The following PLA2G2C variants were observed in gnomAD, a reference collection of about 807,000 sequenced individuals.
PLA2G2C encodes the protein putative inactive group IIC secretory phospholipase A2.
In PLA2G2C, 15 loss-of-function variants were observed where a neutral mutation model predicts 14.3. The ratio of observed to expected loss-of-function variants is 1.05; its 90% CI spans 0.70 to 1.62. The LOEUF (loss-of-function observed/expected upper bound fraction) is 1.62. Among genes scored for constraint, PLA2G2C ranks in the 40% most tolerant of loss-of-function variants. PLA2G2C has a pLI of 0.00. For synonymous variants in PLA2G2C, 79 were observed against 67.7 expected (o/e 1.17, Z -0.82); for missense variants, 162 against 173.2 (o/e 0.94, Z 0.36).
intron 4 of PLA2G2C, among the ~76,000 whole-genome samples, chr1:20,170,929 C>A (rs2018063418): frequency 7.1e-6 from 1 of 141,824 alleles, no homozygotes; most frequent in South Asian, 2.6e-4. Flanking sequence ...CTGCCTGGGG[C>A]TCCAGCCTCT....
At chr1:20,182,191 T>C (rs2018287733) in intron 1 of PLA2G2C, among the ~76,000 whole-genome samples, 1 of 152,274 alleles carries the variant, frequency 6.6e-6, no homozygotes, top group South Asian at 2.1e-4. Flanking sequence ...GGTACAGTCA[T>C]GCACCATATA....
intron 1 of PLA2G2C, among the ~76,000 whole-genome samples, chr1:20,183,461 T>C (rs917772311): frequency 1.3e-5 from 2 of 152,222 alleles, no homozygotes; most frequent in Middle Eastern, 3.4e-3. Context: ...GGTTGTAAAA[T>C]TGCTCTGCTG....
chr1:20,184,797 G>A (rs1282693175), intron 1 of PLA2G2C, among the ~76,000 whole-genome samples: 1 of 152,052 alleles, frequency 6.6e-6, no homozygotes, highest in African/African-American at 2.4e-5. Context: ...AGGAGGGAGG[G>A]AGGTGGGAGA....
intron 4 of PLA2G2C, among the ~76,000 whole-genome samples, chr1:20,169,183 T>C (rs982433080): frequency 2.6e-5 from 4 of 152,236 alleles, no homozygotes; most frequent in Admixed American, 2.0e-4. Context: ...TTTCTGTTGT[T>C]GCTTTTCTTT....
chr1:20,183,410 A>G (rs979350217), intron 1 of PLA2G2C, among the ~76,000 whole-genome samples: 7 of 152,062 alleles, frequency 4.6e-5, no homozygotes, highest in African/African-American at 1.4e-4. Context: ...TGGGGGTGGG[A>G]CTCTGGGGTC....
intron 4 of PLA2G2C, among the ~76,000 whole-genome samples, chr1:20,172,055 G>T (rs1337529139): frequency 6.6e-6 from 1 of 151,934 alleles, no homozygotes; most frequent in African/African-American, 2.4e-5. Context: ...GAGCCACCGC[G>T]CCCGGCCAAG....
At chr1:20,168,392 A>G (rs1314124120) in intron 4 of PLA2G2C, among the ~76,000 whole-genome samples, 1 of 152,228 alleles carries the variant, frequency 6.6e-6, no homozygotes, top group Non-Finnish European at 1.5e-5. Context: ...CAGGGGCATC[A>G]TTCCCTGTGG....
intron 1 of PLA2G2C, among the ~76,000 whole-genome samples, chr1:20,185,743 G>A (rs1371190153): frequency 6.6e-6 from 1 of 152,182 alleles, no homozygotes; most frequent in African/African-American, 2.4e-5. Flanking sequence ...GGGACACTGA[G>A]AGGGTCAGGG....
In PLA2G2C at chr1:20,163,901, C is replaced by T; in HGVS notation, c.*90G>A. ...TTTGTCCTCCCTCCCAGTGGAAGAA[C>T]AGGGGCCTGTTGGGGATGATCTGAG... On this transcript the variant is annotated 3_prime_UTR_variant, in exon 5 of 5. Coordinates refer to ENST00000679259, the MANE Select transcript of PLA2G2C (RefSeq NM_001367969.2). The T allele has an allele frequency of 1.4e-6, 2 of 1,389,314 alleles. No homozygotes were observed. The highest frequency in any genetic ancestry group is 1.9e-6 in the Non-Finnish European group (2 of 1,034,112). The allele number at this position is 1,389,314 out of a possible 1,614,324, so 86.1% of individuals were successfully genotyped here.
intron 4 of PLA2G2C, among the ~76,000 whole-genome samples, chr1:20,166,376 C>T (rs2017979950): frequency 6.6e-6 from 1 of 152,210 alleles, no homozygotes; most frequent in African/African-American, 2.4e-5. Context: ...GCGGCTCCCG[C>T]CACTCCCACT....
chr1:20,181,705 C>T (rs553669601), intron 1 of PLA2G2C, among the ~76,000 whole-genome samples: 1 of 152,300 alleles, frequency 6.6e-6, no homozygotes, highest in East Asian at 1.9e-4. Flanking sequence ...AGAGCAGCTT[C>T]TCTTAATAGG....
intron 1 of PLA2G2C, chr1:20,184,211 AC>A (rs1466891162): frequency 6.6e-6 from 1 of 152,352 alleles, no homozygotes; most frequent in African/African-American, 2.4e-5. Context: ...ACACACACAC[AC>A]ACACACACAC....
In PLA2G2C at chr1:20,183,087, T is replaced by C. The variant is rs1427179226; in HGVS notation, c.-77+3273A>G. Among the ~76,000 whole-genome samples the C allele has an allele frequency of 5.3e-5, 8 of 152,344 alleles. No individual in the cohort carries two copies. In the East Asian group the frequency reaches 5.8e-4, roughly 11 times the overall value. On this transcript the variant is annotated intron_variant, in intron 1 of 4. Coordinates refer to ENST00000679259, the MANE Select transcript of PLA2G2C (RefSeq NM_001367969.2). ...CAAGTTCCTGCCTTCAAGGAGCTCA[T>C]AACCTACTGAAGGAGATGTACACTG...
Position 20,172,870 on chromosome 1 carries a change from G to A in PLA2G2C, c.207C>T (p.Tyr69=), listed in dbSNP as rs550861819. The change falls in exon 4 of 5, where the codon TAC becomes TAT. Residue 69 remains tyrosine, a synonymous_variant. Coordinates refer to ENST00000679259, the MANE Select transcript of PLA2G2C (RefSeq NM_001367969.2). ...DRHSPSSPSP[Y]EKLKEFSCQP... is the part of the protein sequence containing the mutation. The stretch of plus-strand genomic sequence containing the variant: ...GGCAGCTGAACTCCTTCAGCTTCTC[G>A]TAGGGAGAGGGAGATGAGGGGCTGT... 88 of 1,613,814 alleles carry A rather than the reference G, an allele frequency of 5.5e-5. No homozygotes were observed. The highest frequency in any genetic ancestry group is 1.7e-4 in the Middle Eastern group (1 of 6,058).
intron 1 of PLA2G2C, chr1:20,184,197 G>GCACGCACA (rs1553184789): frequency 6.7e-6 from 1 of 149,618 alleles, no homozygotes; most frequent in Non-Finnish European, 1.5e-5. Context: ...GTGCGCACAC[G>GCACGCACA]CACACACACA....
intron 4 of PLA2G2C, among the ~76,000 whole-genome samples, chr1:20,170,014 C>A (rs1346228357): frequency 6.6e-6 from 1 of 152,212 alleles, no homozygotes; most frequent in Non-Finnish European, 1.5e-5. Flanking sequence ...TGAGACAGGG[C>A]ACCCGGGGTT....
At position 20,170,825 on chromosome 1, in the gene PLA2G2C, G is replaced by C. The variant is rs2018061003; in HGVS notation, c.283+1969C>G. Among the ~76,000 whole-genome samples, 3 of 141,388 alleles carry C rather than the reference G, an allele frequency of 2.1e-5. 1 individual carries two copies. The South Asian group carries it at 7.8e-4, about 37-fold the overall frequency. The allele number at this position is 141,388 out of a possible 152,430, so 92.8% of individuals were successfully genotyped here. On this transcript the variant is annotated intron_variant, in intron 4 of 4. Coordinates refer to ENST00000679259, the MANE Select transcript of PLA2G2C (RefSeq NM_001367969.2). Reference sequence around the variant, plus strand: ...CAACTGGCTGCTTCTGCTCTGAAGGGGCAACGTGGGAAGAAAGTACAGCCC... The same window carrying C: ...CAACTGGCTGCTTCTGCTCTGAAGGCGCAACGTGGGAAGAAAGTACAGCCC...
chr1:20,176,796 G>C (rs1323500205), intron 2 of PLA2G2C, among the ~76,000 whole-genome samples: 2 of 152,194 alleles, frequency 1.3e-5, no homozygotes, highest in African/African-American at 2.4e-5. Flanking sequence ...CAGCAAAAGA[G>C]TCTATCAGTC....
At chr1:20,169,344 ATTGT>A (rs1211915041) in intron 4 of PLA2G2C, among the ~76,000 whole-genome samples, 3 of 151,630 alleles carry the variant, frequency 2.0e-5, no homozygotes, top group Non-Finnish European at 4.4e-5. Context: ...CATCTGGCTA[ATTGT>A]TTGTATGTTT....
Sources: allele counts gnomAD v4.1 joint callset (sites outside exome capture counted in the v4.1 genomes callset), GRCh38; gene constraint gnomAD v4.1.1; transcripts MANE v1.5; gene names NCBI Gene and HGNC (gene_info 2026-07-23, HGNC 2026-07-21).